Variants in PCDHA13 observed in about 807,000 individuals in gnomAD.
The protein encoded by PCDHA13 is protocadherin alpha 13, also known as protocadherin alpha-13.
A neutral mutation model predicts 64.8 loss-of-function variants in PCDHA13; 54 were observed. That is an observed-to-expected ratio of 0.83 (90% CI 0.67 to 1.04). PCDHA13 has a LOEUF of 1.04. Ranked by LOEUF, PCDHA13 falls within the 50% of genes least tolerant of loss-of-function variation. The pLI is 0.00. For missense variants in PCDHA13, 1,248 were observed against 1,254.3 expected, an observed-to-expected ratio of 0.99 and a Z score of 0.08; for synonymous variants, 587 against 564.4, an observed-to-expected ratio of 1.04 and a Z score of -0.57.
chr5:140,910,274 G>A (rs1185029668), intron 1 of PCDHA13, among the ~76,000 whole-genome samples: 1 of 152,030 alleles, frequency 6.6e-6, no homozygotes, highest in Non-Finnish European at 1.5e-5. Flanking sequence ...TCACTTCTAG[G>A]AACACCATGA....
intron 1 of PCDHA13, chr5:140,968,207 A>C: frequency 6.2e-7 from 1 of 1,614,000 alleles, no homozygotes; most frequent in Non-Finnish European, 8.5e-7. Context: ...CATACAGGAG[A>C]ACAATTTGCC....
chr5:140,904,150 C>A (rs1005130566), intron 1 of PCDHA13, among the ~76,000 whole-genome samples: 1 of 152,036 alleles, frequency 6.6e-6, no homozygotes, highest in African/African-American at 2.4e-5. Flanking sequence ...GTATACATTG[C>A]ACCCAGTTTG....
At position 140,946,093 on chromosome 5, in the gene PCDHA13, T is replaced by A. The variant is rs1171535500; in HGVS notation, c.2395-32856T>A. Among the ~76,000 whole-genome samples, 4 of 151,584 alleles carry A rather than the reference T, an allele frequency of 2.6e-5. No homozygotes were observed. In the East Asian group the frequency reaches 7.7e-4, roughly 29 times the overall value. ...TGCAAACCACAGATCTGATAAGGAG[T>A]TAACATACCAAATATATAAGGAACT... is the stretch of plus-strand genomic sequence containing the variant. On this transcript the variant is annotated intron_variant, in intron 1 of 3. Transcript: ENST00000289272.
At chr5:140,926,268 T>A (rs1166651492) in intron 1 of PCDHA13, 1 of 152,208 alleles carries the variant, frequency 6.6e-6, no homozygotes, top group Non-Finnish European at 1.5e-5. Context: ...TCTCGCCGCC[T>A]CCGCTCGGCA....
chr5:140,976,267 T>C (rs115616483), intron 1 of PCDHA13, among the ~76,000 whole-genome samples: 1,952 of 152,234 alleles, frequency 0.013, 51 homozygotes, highest in African/African-American at 0.045. Flanking sequence ...ACACAGACTT[T>C]TGGCAAGGCA....
At chr5:140,926,441 A>T (rs1476576189) in intron 1 of PCDHA13, 1 of 154,800 alleles carries the variant, frequency 6.5e-6, no homozygotes, top group Non-Finnish European at 1.4e-5. Context: ...AGATCTGGGC[A>T]GCCTCAGGGC....
chr5:140,908,307 C>T (rs782169692), intron 1 of PCDHA13, among the ~76,000 whole-genome samples: 43 of 152,180 alleles, frequency 2.8e-4, no homozygotes, highest in Non-Finnish European at 1.3e-4. Context: ...GAAGGAAGGG[C>T]GGCAGGAGTG....
intron 1 of PCDHA13, among the ~76,000 whole-genome samples, chr5:140,888,358 C>T (rs2061801167): frequency 6.6e-6 from 1 of 152,178 alleles, no homozygotes; most frequent in Non-Finnish European, 1.5e-5. Flanking sequence ...TTGCTACTGG[C>T]ATCTAATAAT....
At chr5:140,946,574 G>C (rs246054) in intron 1 of PCDHA13, among the ~76,000 whole-genome samples, 17 of 145,538 alleles carry the variant, frequency 1.2e-4, no homozygotes, top group African/African-American at 4.5e-4. Flanking sequence ...AATCAACTTA[G>C]GTGTTCATAG....
At chr5:140,953,527 A>T (rs531720224) in intron 1 of PCDHA13, among the ~76,000 whole-genome samples, 153 of 152,150 alleles carry the variant, frequency 1.0e-3, no homozygotes, top group African/African-American at 2.9e-3. Flanking sequence ...AAAACGGGAA[A>T]CTCACTTCAT....
At chr5:140,897,785 A>G (rs1246213890) in intron 1 of PCDHA13, among the ~76,000 whole-genome samples, 1 of 152,148 alleles carries the variant, frequency 6.6e-6, no homozygotes, top group Non-Finnish European at 1.5e-5. Context: ...CAATGGTTGA[A>G]CTAGTTTAGA....
intron 3 of PCDHA13, among the ~76,000 whole-genome samples, chr5:140,987,333 T>C (rs1470731690): frequency 6.6e-6 from 1 of 152,158 alleles, no homozygotes; most frequent in East Asian, 1.9e-4. Context: ...TAAGAACTGG[T>C]CTAAGGTAAA....
chr5:140,929,164 GC>G (rs781931769), intron 1 of PCDHA13: 2 of 1,614,150 alleles, frequency 1.2e-6, no homozygotes, highest in Non-Finnish European at 1.7e-6. Context: ...TCTCTATCGG[GC>G]CTCTCTGGGA....
chr5:140,933,137 A>C (rs1378585369), intron 1 of PCDHA13, among the ~76,000 whole-genome samples: 1 of 151,994 alleles, frequency 6.6e-6, no homozygotes, highest in African/African-American at 2.4e-5. Context: ...ATAAAGGTAG[A>C]TAGCCACTCA....
chr5:140,973,073 C>T (rs1372527958), intron 1 of PCDHA13, among the ~76,000 whole-genome samples: 1 of 151,988 alleles, frequency 6.6e-6, no homozygotes, highest in Non-Finnish European at 1.5e-5. Context: ...TCTCAGTGGG[C>T]CCAGCTGGCA....
chr5:140,955,324 T>G (rs1358791050), intron 1 of PCDHA13, among the ~76,000 whole-genome samples: 8 of 152,186 alleles, frequency 5.3e-5, no homozygotes, highest in Non-Finnish European at 8.8e-5. Flanking sequence ...CCTTGAATTG[T>G]AGTTCCCATA....
At chr5:140,946,575 G>A (rs1554217641) in intron 1 of PCDHA13, among the ~76,000 whole-genome samples, 3 of 140,788 alleles carry the variant, frequency 2.1e-5, no homozygotes, top group Non-Finnish European at 4.6e-5. Flanking sequence ...ATCAACTTAG[G>A]TGTTCATAGT....
rs186566632 is a variant in PCDHA13, at chr5:140,947,652, T to C, written c.2395-31297T>C. 6.7e-3 allele frequency among the ~76,000 whole-genome samples: 1,010 copies of C among 151,752 alleles called. 2 individuals are homozygous for C. Among genetic ancestry groups the C allele is most frequent in the Non-Finnish European group, 0.01 (702 of 67,572 alleles). On this transcript the variant is annotated intron_variant, in intron 1 of 3. Transcript: ENST00000289272. ...ATCAGATCGTATGAACATATATACCTCCATTTACTTGGGTCTTTAAAAAAT... is the reference window on the plus strand; with the variant it reads ...ATCAGATCGTATGAACATATATACCCCCATTTACTTGGGTCTTTAAAAAAT...
chr5:140,915,626 GTCTCTC>G (rs57920489), intron 1 of PCDHA13, among the ~76,000 whole-genome samples: 2,942 of 146,518 alleles, frequency 0.02, 88 homozygotes, highest in African/African-American at 0.07. Context: ...GTCTCTTTCT[GTCTCTC>G]TCTCTCTCTC....
Sources: gnomAD v4.1 joint callset for allele counts (sites outside exome capture counted in the v4.1 genomes callset) on GRCh38, gnomAD v4.1.1 for gene constraint, MANE v1.5 for transcripts, NCBI Gene and HGNC (gene_info 2026-07-23, HGNC 2026-07-21) for gene names.